Variants in SOX5 observed in about 807,000 individuals in gnomAD.
SOX5 encodes the protein SRY-box transcription factor 5.
Under a neutral mutation model 92.0 loss-of-function variants are expected in SOX5, and 9 were observed. The ratio of observed to expected loss-of-function variants is 0.10; its 90% CI spans 0.06 to 0.17. The LOEUF (loss-of-function observed/expected upper bound fraction) is 0.17. Among genes scored for constraint, SOX5 ranks in the 10% least tolerant of loss-of-function variants. The probability of loss-of-function intolerance (pLI) is 1.00; values close to 1 mark genes in which losing one functional copy is unlikely to be tolerated. For synonymous variants in SOX5, 344 were observed against 336.3 expected (o/e 1.02, Z -0.25); for missense variants, 642 against 944.5 (o/e 0.68, Z 4.20).
chr12:24,333,107 C>T (rs1951512040), intron 2 of SOX5, among the ~76,000 whole-genome samples: 2 of 151,998 alleles, frequency 1.3e-5, no homozygotes, highest in Admixed American at 6.6e-5. Flanking sequence ...TATGATATTA[C>T]ACTTTGCAGC....
intron 1 of SOX5, among the ~76,000 whole-genome samples, chr12:24,522,312 G>T (rs577745728): frequency 1.3e-5 from 2 of 151,666 alleles, no homozygotes; most frequent in Non-Finnish European, 2.9e-5. Flanking sequence ...AGGATCTGAC[G>T]GTTTCACTGG....
intron 4 of SOX5, among the ~76,000 whole-genome samples, chr12:24,160,543 T>A (rs1185467459): frequency 6.6e-6 from 1 of 152,016 alleles, no homozygotes; most frequent in South Asian, 2.1e-4. Flanking sequence ...TTTCTTTTAT[T>A]AGAAGTGATA....
At chr12:23,712,202 G>A (rs2092118090) in intron 6 of SOX5, among the ~76,000 whole-genome samples, 1 of 152,122 alleles carries the variant, frequency 6.6e-6, no homozygotes, top group Admixed American at 6.5e-5. Flanking sequence ...TTAAAAATTT[G>A]ACTGAATTCA....
chr12:24,016,220 C>G (rs1953580792), intron 4 of SOX5, among the ~76,000 whole-genome samples: 1 of 152,086 alleles, frequency 6.6e-6, no homozygotes, highest in South Asian at 2.1e-4. Flanking sequence ...ATTACAGCAC[C>G]CTATGAAACA....
chr12:24,220,424 A>C (rs1313583821), intron 3 of SOX5, among the ~76,000 whole-genome samples: 1 of 149,978 alleles, frequency 6.7e-6, no homozygotes, highest in Non-Finnish European at 1.5e-5. Context: ...GCAACGTTAC[A>C]GTGCTAATTC....
intron 2 of SOX5, among the ~76,000 whole-genome samples, chr12:24,358,534 C>A (rs1458194014): frequency 6.6e-6 from 1 of 152,008 alleles, no homozygotes; most frequent in Non-Finnish European, 1.5e-5. Context: ...ATGGTGTGAA[C>A]CCAAGAGGTG....
chr12:24,508,143 G>C (rs750126866), intron 1 of SOX5, among the ~76,000 whole-genome samples: 69 of 152,116 alleles, frequency 4.5e-4, no homozygotes, highest in Non-Finnish European at 1.0e-4. Flanking sequence ...ACTAAGCAAG[G>C]GTTTTAAGCA....
intron 1 of SOX5, among the ~76,000 whole-genome samples, chr12:24,475,498 G>GGC (rs1945266948): frequency 6.6e-6 from 1 of 152,174 alleles, no homozygotes; most frequent in African/African-American, 2.4e-5. Flanking sequence ...GATGTGAAAA[G>GGC]TCGTGAGCAA....
Position 23,895,959 on chromosome 12 carries a change from C to T in SOX5, c.104G>A (p.Ser35Asn), listed in dbSNP as rs2097173045. 2.5e-6 allele frequency: 4 copies of T among 1,614,018 alleles called. No homozygotes were observed. Among genetic ancestry groups the T allele is most frequent in the African/African-American group, 1.3e-5 (1 of 74,912 alleles). The change falls in exon 2 of 15, where the codon AGC (serine) becomes AAC (asparagine). Residue 35 changes from serine to asparagine, a missense_variant. By Grantham distance (46) the Ser-to-Asn change is conservative. Around this residue, in one of 8 missense-constraint regions of SOX5, gnomAD observed 113 missense variants for 117.7 expected, o/e 0.96. Transcript: ENST00000451604. The stretch of plus-strand genomic sequence containing the variant: ...CTCCTCTTCTTCCACTTTCTGTCTG[C>T]TTGTCACCATGGCTACCTCTCCATC... ...EADGEVAMVTSRQKVEEEESD... is the reference protein window; with the variant it reads ...EADGEVAMVTNRQKVEEEESD...
intron 4 of SOX5, among the ~76,000 whole-genome samples, chr12:23,976,358 AG>A (rs1948884213): frequency 6.7e-6 from 1 of 149,378 alleles, no homozygotes; most frequent in Admixed American, 6.7e-5. Flanking sequence ...ATTTAAATAC[AG>A]GTAAACACAT....
intron 3 of SOX5, among the ~76,000 whole-genome samples, chr12:24,213,976 C>T (rs1294284995): frequency 6.6e-6 from 1 of 151,536 alleles, no homozygotes; most frequent in African/African-American, 2.4e-5. Context: ...TGTAATATTA[C>T]TTAGAGCTAC....
At chr12:24,326,904 GT>G (rs564186997) in intron 2 of SOX5, among the ~76,000 whole-genome samples, 74 of 151,752 alleles carry the variant, frequency 4.9e-4, no homozygotes, top group Non-Finnish European at 7.9e-4. Flanking sequence ...ACTTGCATTG[GT>G]TTTTCCATCA....
chr12:24,487,723 T>A (rs1195009440), intron 1 of SOX5, among the ~76,000 whole-genome samples: 3 of 152,202 alleles, frequency 2.0e-5, no homozygotes, highest in East Asian at 1.9e-4. Flanking sequence ...ACAGTGAATA[T>A]TGAACTGTGG....
intron 1 of SOX5, among the ~76,000 whole-genome samples, chr12:24,423,448 T>C (rs1374422249): frequency 6.6e-6 from 1 of 152,224 alleles, no homozygotes; most frequent in African/African-American, 2.4e-5. Flanking sequence ...AAAACGTCCA[T>C]TGTGAGATTT....
intron 4 of SOX5, among the ~76,000 whole-genome samples, chr12:24,021,654 A>T (rs1229844116): frequency 6.6e-6 from 1 of 152,146 alleles, no homozygotes; most frequent in Non-Finnish European, 1.5e-5. Flanking sequence ...CCTTTGGCCT[A>T]ATGGAATCAG....
intron 4 of SOX5, among the ~76,000 whole-genome samples, chr12:24,148,885 G>A (rs1363498802): frequency 8.7e-6 from 1 of 114,984 alleles, no homozygotes. Flanking sequence ...GGGAGAGGGA[G>A]ACTGTCTCTA....
chr12:24,091,094 G>A (rs961233016), intron 4 of SOX5, among the ~76,000 whole-genome samples: 23 of 152,072 alleles, frequency 1.5e-4, no homozygotes, highest in African/African-American at 4.6e-4. Flanking sequence ...TTCTATGTTC[G>A]CCAATTCAAA....
At chr12:24,467,852 T>C (rs1944390669) in intron 1 of SOX5, among the ~76,000 whole-genome samples, 1 of 152,198 alleles carries the variant, frequency 6.6e-6, no homozygotes. Context: ...TGTCTGGCCA[T>C]ATGAAGCAAC....
intron 2 of SOX5, among the ~76,000 whole-genome samples, chr12:24,345,859 T>C (rs1953165691): frequency 6.6e-6 from 1 of 152,208 alleles, no homozygotes; most frequent in Non-Finnish European, 1.5e-5. Context: ...ATTCAGCTAC[T>C]GTTGGCTTTG....
Sources: allele counts gnomAD v4.1 joint callset (sites outside exome capture counted in the v4.1 genomes callset), GRCh38; gene constraint gnomAD v4.1.1; regional missense constraint gnomAD v4.1.1; transcripts MANE v1.5; gene names NCBI Gene and HGNC (gene_info 2026-07-23, HGNC 2026-07-21).